The following EPHX2 variants were observed in gnomAD, a reference collection of about 807,000 sequenced individuals.
The protein encoded by EPHX2 is bifunctional epoxide hydrolase 2.
In EPHX2, 74 loss-of-function variants were observed where a neutral mutation model predicts 78.7. The ratio of observed to expected loss-of-function variants is 0.94; its 90% CI spans 0.78 to 1.14. The LOEUF (loss-of-function observed/expected upper bound fraction) is 1.14, where lower values mean the gene tolerates loss of function less well. Ranked by LOEUF, EPHX2 falls within the 50% of genes most tolerant of loss-of-function variation. The pLI, the probability that EPHX2 is intolerant of heterozygous loss-of-function variation, is 0.00. For synonymous variants in EPHX2, 251 were observed against 255.2 expected (o/e 0.98, Z 0.16); for missense variants, 715 against 702.5 (o/e 1.02, Z -0.20).
rs1211964076 is a variant in EPHX2, at chr8:27,522,544, G to A, written c.1058+36G>A. The A allele has an allele frequency of 3.1e-6, 5 of 1,600,308 alleles. No homozygotes were observed. In the South Asian group the frequency reaches 3.3e-5, roughly 11 times the overall value. ...CTCGGGCAATAAAGATTTGGAGGAG[G>A]CTGGACTTGAACTCCTGTGAGAATT... On this transcript the variant is annotated intron_variant, in intron 11 of 18. Transcript: ENST00000521400.
intron 5 of EPHX2, among the ~76,000 whole-genome samples, chr8:27,510,285 A>C (rs1814189706): frequency 2.0e-5 from 3 of 152,234 alleles, no homozygotes; most frequent in Non-Finnish European, 4.4e-5. Flanking sequence ...CAGCGTGTCC[A>C]GCAGCAGAGT....
chr8:27,499,916 A>G (rs570860593), intron 1 of EPHX2, among the ~76,000 whole-genome samples: 13 of 152,246 alleles, frequency 8.5e-5, no homozygotes, highest in African/African-American at 2.4e-4. Flanking sequence ...CACCAGTCCT[A>G]TTGTTGGATT....
intron 6 of EPHX2, 141 bp from the exon 7 acceptor site, chr8:27,515,577 T>G: frequency 1.5e-6 from 1 of 666,142 alleles, no homozygotes; most frequent in Non-Finnish European, 2.6e-6. Context: ...CATGTAACAC[T>G]GGGGTCTTTC....
chr8:27,533,449 A>T (rs538100653), intron 12 of EPHX2, among the ~76,000 whole-genome samples: 1 of 152,350 alleles, frequency 6.6e-6, no homozygotes, highest in African/African-American at 2.4e-5. Flanking sequence ...TAGATGAAAG[A>T]GAGTCGGAAG....
intron 16 of EPHX2, among the ~76,000 whole-genome samples, chr8:27,543,015 C>T (rs867394156): frequency 4.7e-5 from 6 of 128,710 alleles, no homozygotes; most frequent in East Asian, 2.8e-4. Flanking sequence ...CTCCCCCCCC[C>T]GCCCCCCGCC....
chr8:27,506,622 T>C (rs926976523), intron 4 of EPHX2, among the ~76,000 whole-genome samples: 1 of 152,250 alleles, frequency 6.6e-6, no homozygotes, highest in Admixed American at 6.5e-5. Flanking sequence ...AGAATTTTAA[T>C]GTCACCTTGA....
chr8:27,545,028 G>C lies in EPHX2; in HGVS notation c.*506G>C, dbSNP rs946807801. 1 of 165,876 alleles carries C rather than the reference G, an allele frequency of 6.0e-6. No homozygotes were observed. Among genetic ancestry groups the C allele is most frequent in the Non-Finnish European group, 1.3e-5 (1 of 76,022 alleles). 10.3% of individuals were successfully genotyped at this position (165,876 alleles called of 1,614,324 possible). A position where few individuals can be genotyped will look rare whatever the true frequency, so the allele number is the denominator to read the frequency against. On this transcript the variant is annotated 3_prime_UTR_variant, in exon 19 of 19. Coordinates refer to ENST00000521400, the MANE Select transcript of EPHX2 (RefSeq NM_001979.6). ...TTTTGAGCCCTGTTCTGGGCTCCAA[G>C]GTGCTGTATGATCTAGGCCGTGCTG...
intron 6 of EPHX2, among the ~76,000 whole-genome samples, chr8:27,513,390 T>C (rs897766888): frequency 6.6e-6 from 1 of 152,180 alleles, no homozygotes; most frequent in African/African-American, 2.4e-5. Context: ...GGGGCTGGAT[T>C]GTAACCGTGG....
intron 1 of EPHX2, among the ~76,000 whole-genome samples, chr8:27,492,588 G>A (rs190951471): frequency 2.8e-4 from 43 of 152,268 alleles, no homozygotes; most frequent in Non-Finnish European, 5.3e-4. Context: ...AAGGTTTATC[G>A]TGAACAGCGA....
Position 27,511,916 on chromosome 8 carries a change from T to C in EPHX2, c.735+6T>C. On this transcript the variant is annotated splice_donor_region_variant and intron_variant, in intron 6 of 18. Coordinates refer to ENST00000521400, the MANE Select transcript of EPHX2 (RefSeq NM_001979.6). ...ATGGGTACGTGACAGTAAAGGTGAG[T>C]CAGTTTTGTCTCTCAGTCGGCTAAG... is the stretch of plus-strand genomic sequence containing the variant. 1 of 1,613,496 alleles carries C rather than the reference T, an allele frequency of 6.2e-7. No homozygotes were observed.
chr8:27,535,549 G>A (rs7828349), intron 12 of EPHX2, among the ~76,000 whole-genome samples: 35,222 of 151,974 alleles, frequency 0.23, 4,974 homozygotes, highest in African/African-American at 0.41. Flanking sequence ...CCTAAACTAC[G>A]TCTGGAACAG....
downstream of EPHX2, among the ~76,000 whole-genome samples, chr8:27,547,977 A>G (rs1048613911): frequency 6.6e-6 from 1 of 152,200 alleles, no homozygotes; most frequent in Non-Finnish European, 1.5e-5. Context: ...CCCCTCTGCT[A>G]AAAGAAATCG....
At chr8:27,501,103 C>T in intron 2 of EPHX2, 93 bp downstream of exon 2, 1 of 1,046,236 alleles carries the variant, frequency 9.6e-7, no homozygotes, top group Non-Finnish European at 1.4e-6. Flanking sequence ...TAATAGAAAA[C>T]ACCCACCTTT....
intron 12 of EPHX2, among the ~76,000 whole-genome samples, chr8:27,531,364 G>A (rs1255624126): frequency 6.6e-6 from 1 of 152,208 alleles, no homozygotes; most frequent in Non-Finnish European, 1.5e-5. Flanking sequence ...AGCCTTCTAA[G>A]TCTTTGCTGT....
intron 5 of EPHX2, among the ~76,000 whole-genome samples, chr8:27,509,091 C>T (rs571381083): frequency 6.6e-6 from 1 of 151,978 alleles, no homozygotes; most frequent in South Asian, 2.1e-4. Flanking sequence ...AATTGGACTC[C>T]TCTAGGGACC....
chr8:27,493,648 G>C (rs62504269), intron 1 of EPHX2, among the ~76,000 whole-genome samples: 19,576 of 152,176 alleles, frequency 0.13, 1,461 homozygotes, highest in African/African-American at 0.22. Flanking sequence ...CTGATTTCCT[G>C]TGGCATTGTT....
chr8:27,512,146 C>A (rs1391008080), intron 6 of EPHX2: 3 of 490,426 alleles, frequency 6.1e-6, no homozygotes, highest in Non-Finnish European at 1.1e-5. Flanking sequence ...TGTTAAATAT[C>A]GAGGGTGGTT....
intron 8 of EPHX2, among the ~76,000 whole-genome samples, chr8:27,517,280 A>G (rs1814491401): frequency 6.6e-6 from 1 of 151,878 alleles, no homozygotes; most frequent in Admixed American, 6.6e-5. Flanking sequence ...TTTTTAAATC[A>G]TACTACCCAT....
rs367726652 is a variant in EPHX2, at chr8:27,544,291, G to A, written c.1589+47G>A. 147 of 1,608,602 alleles carry A rather than the reference G, an allele frequency of 9.1e-5. No homozygotes were observed. In the Admixed American group the frequency reaches 1.3e-3, roughly 14 times the overall value. On this transcript the variant is annotated intron_variant, in intron 18 of 18. Coordinates refer to ENST00000521400, the MANE Select transcript of EPHX2 (RefSeq NM_001979.6). ...GGGGTCGGGGAGAGCAGGGCCCCCC[G>A]TTCACCTTCCATAAAAGCTTTCCTG...
Sources: allele counts gnomAD v4.1 joint callset (sites outside exome capture counted in the v4.1 genomes callset), GRCh38; gene constraint gnomAD v4.1.1; transcripts MANE v1.5; gene names NCBI Gene and HGNC (gene_info 2026-07-23, HGNC 2026-07-21).